Variants in COQ10B observed in about 807,000 individuals in gnomAD.
COQ10B encodes the protein coenzyme Q-binding protein COQ10 homolog B, mitochondrial.
A neutral mutation model predicts 27.6 loss-of-function variants in COQ10B; 12 were observed. The observed-to-expected ratio is 0.43, with a 90% CI of 0.28 to 0.70. The LOEUF (loss-of-function observed/expected upper bound fraction) is 0.70, where lower values mean the gene tolerates loss of function less well. COQ10B is among the 30% of genes least tolerant of loss of function. The pLI is 0.17. For missense variants in COQ10B, 278 were observed against 288.7 expected (o/e 0.96, Z 0.27); for synonymous variants, 115 against 103.0 (o/e 1.12, Z -0.71).
intron 1 of COQ10B, chr2:197,453,870 G>A (rs938766635): frequency 3.5e-5 from 46 of 1,332,148 alleles, no homozygotes; most frequent in Non-Finnish European, 4.4e-5. Flanking sequence ...TTCGTGGCTC[G>A]TTTGCCTCGT....
chr2:197,474,685 C>T lies in COQ10B; in HGVS notation c.*761C>T, dbSNP rs2085930975. ...TGGGCAACAGAGGGAGACTCTGTCTCCAAAAACAAAAACAAAAACTGTTAG... is the reference window on the plus strand; with the variant it reads ...TGGGCAACAGAGGGAGACTCTGTCTTCAAAAACAAAAACAAAAACTGTTAG... On this transcript the variant is annotated 3_prime_UTR_variant, in exon 5 of 5. Coordinates refer to ENST00000263960, the MANE Select transcript of COQ10B (RefSeq NM_025147.5). The T allele has an allele frequency of 6.6e-6, 1 of 152,166 alleles. No individual in the cohort carries two copies. The highest frequency in any genetic ancestry group is 1.9e-4 in the East Asian group (1 of 5,338). The allele number at this position is 152,166 out of a possible 1,614,324, so 9.4% of individuals were successfully genotyped here. A position where few individuals can be genotyped will look rare whatever the true frequency, so the allele number is the denominator to read the frequency against.
intron 3 of COQ10B, among the ~76,000 whole-genome samples, chr2:197,467,620 G>A (rs1374669204): frequency 3.3e-5 from 5 of 152,102 alleles, no homozygotes; most frequent in Admixed American, 1.3e-4. Context: ...CAGGTGATCC[G>A]CCCGCCTTGG....
chr2:197,467,232 C>T (rs2085833888), intron 3 of COQ10B, among the ~76,000 whole-genome samples: 1 of 151,746 alleles, frequency 6.6e-6, no homozygotes, highest in African/African-American at 2.4e-5. Flanking sequence ...CAGGAATGAG[C>T]CACCATGCCT....
intron 4 of COQ10B, among the ~76,000 whole-genome samples, chr2:197,473,447 TATATAC>T (rs1372460867): frequency 0.067 from 3,809 of 57,228 alleles, 154 homozygotes; most frequent in African/African-American, 0.079. Context: ...TATATACACA[TATATAC>T]ATATATATAT....
intron 1 of COQ10B, chr2:197,454,026 C>CTGTA (rs1343130630): frequency 1.3e-6 from 2 of 1,551,228 alleles, no homozygotes; most frequent in Non-Finnish European, 1.7e-6. Context: ...CGGCTGCTGG[C>CTGTA]TGTATGGGAG....
rs1288957620 is a variant in COQ10B, at chr2:197,460,582, ATTAT to A, written c.254+506_254+509del. Among the ~76,000 whole-genome samples the A allele has an allele frequency of 9.2e-5, 14 of 152,314 alleles. 1 individual carries two copies. Among genetic ancestry groups the A allele is most frequent in the Admixed American group, 8.5e-4 (13 of 15,298 alleles). ...CTTAAATCTTTGACATGTAAAGAAA[ATTAT>A]TTATGACTTACATTTTTTGTACATT... On this transcript the variant is annotated intron_variant, in intron 2 of 4. Coordinates refer to ENST00000263960, the MANE Select transcript of COQ10B (RefSeq NM_025147.5).
chr2:197,469,538 A>G lies in COQ10B; in HGVS notation c.448-532A>G, dbSNP rs115296279. Among the ~76,000 whole-genome samples the G allele has an allele frequency of 4.1e-3, 627 of 152,346 alleles. 6 individuals carry two copies. The highest frequency in any genetic ancestry group is 0.014 in the African/African-American group (599 of 41,584). On this transcript the variant is annotated intron_variant, in intron 3 of 4. Transcript: ENST00000263960. Reference sequence around the variant, plus strand: ...AAGGGCCAGGACTACACAGTTAGGAAAACTAGATAGAGGCCTCTAGGAATA... The same window carrying G: ...AAGGGCCAGGACTACACAGTTAGGAGAACTAGATAGAGGCCTCTAGGAATA...
chr2:197,460,168 T>C (rs2085741380), intron 2 of COQ10B, 87 bp downstream of exon 2: 2 of 910,320 alleles, frequency 2.2e-6, no homozygotes, highest in Admixed American at 3.3e-5. Context: ...CTCTGGATTA[T>C]CTTCTTACAG....
rs1377013068 is a variant in COQ10B at position 197,459,011 on chromosome 2, A to G, written c.105-921A>G. ...GTAATAATCTTATTAAGGAAAGTTGAAAATATTTAGGTGAACAAGCATATA... is the reference window on the plus strand; with the variant it reads ...GTAATAATCTTATTAAGGAAAGTTGGAAATATTTAGGTGAACAAGCATATA... On this transcript the variant is annotated intron_variant, in intron 1 of 4. Transcript: ENST00000263960. 2.0e-5 allele frequency among the ~76,000 whole-genome samples: 3 copies of G among 152,184 alleles called. No homozygotes were observed. In the East Asian group the frequency reaches 5.8e-4, roughly 29 times the overall value.
intron 3 of COQ10B, among the ~76,000 whole-genome samples, chr2:197,463,496 A>T (rs2085783498): frequency 6.6e-6 from 1 of 151,218 alleles, no homozygotes; most frequent in African/African-American, 2.4e-5. Context: ...AAAAAAAGAT[A>T]TAAATATGTC....
chr2:197,458,378 C>T (rs1179755497), intron 1 of COQ10B, among the ~76,000 whole-genome samples: 3 of 152,102 alleles, frequency 2.0e-5, no homozygotes, highest in Non-Finnish European at 4.4e-5. Flanking sequence ...TATGTCTCAG[C>T]TAAAATCTTT....
Position 197,473,402 on chromosome 2 carries a change from CAA to C in COQ10B, c.550-342_550-341del, listed in dbSNP as rs1208430482. 7.1e-3 allele frequency among the ~76,000 whole-genome samples: 323 copies of C among 45,648 alleles called. 2 individuals carry two copies. The highest frequency in any genetic ancestry group is 8.9e-3 in the Non-Finnish European group (234 of 26,222). The allele number at this position is 45,648 out of a possible 152,430, so 29.9% of individuals were successfully genotyped here. A position where few individuals can be genotyped will look rare whatever the true frequency, so the allele number is the denominator to read the frequency against. On this transcript the variant is annotated intron_variant, in intron 4 of 4. Transcript: ENST00000263960. The stretch of plus-strand genomic sequence containing the variant: ...AACCCCTTCTCTACGCCCCCCCCCA[CAA>C]AAAAAAAAAAAATATATATATATAT...
chr2:197,454,592 A>G lies in COQ10B; in HGVS notation c.104+928A>G, dbSNP rs143091333. On this transcript the variant is annotated intron_variant, in intron 1 of 4. Coordinates refer to ENST00000263960, the MANE Select transcript of COQ10B (RefSeq NM_025147.5). Reference sequence around the variant, plus strand: ...TGGATGAGACAAACAAAATCATAAAATTACTCCTGCTTTAGGAAATAACCT... The same window carrying G: ...TGGATGAGACAAACAAAATCATAAAGTTACTCCTGCTTTAGGAAATAACCT... Among the ~76,000 whole-genome samples, 32 of 152,222 alleles carry G rather than the reference A, an allele frequency of 2.1e-4. No individual in the cohort carries two copies. In the East Asian group the frequency reaches 6.2e-3, roughly 29 times the overall value.
chr2:197,457,475 C>A (rs2085711960), intron 1 of COQ10B, among the ~76,000 whole-genome samples: 1 of 152,038 alleles, frequency 6.6e-6, no homozygotes, highest in Non-Finnish European at 1.5e-5. Flanking sequence ...CTTGTGATGT[C>A]CCAGAAAATT....
At chr2:197,453,881 G>C (rs999512070) in intron 1 of COQ10B, 12 of 1,393,978 alleles carry the variant, frequency 8.6e-6, no homozygotes, top group African/African-American at 1.4e-5. Context: ...TTTGCCTCGT[G>C]AGAGGCGGTG....
chr2:197,468,180 C>T (rs1248870125), intron 3 of COQ10B, among the ~76,000 whole-genome samples: 1 of 151,958 alleles, frequency 6.6e-6, no homozygotes, highest in Non-Finnish European at 1.5e-5. Flanking sequence ...GTGGCTCACA[C>T]CTGTAATCCC....
intron 3 of COQ10B, among the ~76,000 whole-genome samples, chr2:197,468,600 A>C (rs1367651848): frequency 2.6e-5 from 4 of 152,210 alleles, no homozygotes; most frequent in Non-Finnish European, 4.4e-5. Context: ...CAACTGAAAT[A>C]ACAAGATTTT....
chr2:197,473,434 A>ATATATATATG (rs1559296051), intron 4 of COQ10B, among the ~76,000 whole-genome samples: 1 of 109,212 alleles, frequency 9.2e-6, no homozygotes, highest in Non-Finnish European at 2.0e-5. Flanking sequence ...ATATATATAT[A>ATATATATATG]TATATATACA....
chr2:197,462,462 C>A, intron 2 of COQ10B, 77 bp from the exon 3 acceptor site: 1 of 734,332 alleles, frequency 1.4e-6, no homozygotes, highest in South Asian at 1.8e-5. Flanking sequence ...AAGTTTTATA[C>A]ATATTCACTT....
Sources: allele counts gnomAD v4.1 joint callset (sites outside exome capture counted in the v4.1 genomes callset), GRCh38; gene constraint gnomAD v4.1.1; transcripts MANE v1.5; gene names NCBI Gene and HGNC (gene_info 2026-07-23, HGNC 2026-07-21).